The following PEAK1 variants were observed in gnomAD, a reference collection of about 807,000 sequenced individuals.
PEAK1 encodes inactive tyrosine-protein kinase PEAK1.
PEAK1 carries 54 observed loss-of-function variants against 124.7 expected under a neutral mutation model. The observed-to-expected ratio is 0.43, with a 90% CI of 0.35 to 0.54. PEAK1 has a LOEUF of 0.54. Among genes scored for constraint, PEAK1 ranks in the 20% least tolerant of loss-of-function variants. The probability of loss-of-function intolerance (pLI) is 0.01; values close to 1 mark genes in which losing one functional copy is unlikely to be tolerated. For missense variants in PEAK1, 2,046 were observed against 2,134.5 expected (o/e 0.96, Z 0.82); for synonymous variants, 719 against 760.0 (o/e 0.95, Z 0.89).
intron 5 of PEAK1, among the ~76,000 whole-genome samples, chr15:77,276,437 T>G (rs1349454751): frequency 6.6e-6 from 1 of 152,196 alleles, no homozygotes; most frequent in African/African-American, 2.4e-5. Context: ...ACTGGCACGA[T>G]ATCTTTCAGG....
At chr15:77,351,315 C>T (rs935104716) in intron 2 of PEAK1, among the ~76,000 whole-genome samples, 5 of 152,044 alleles carry the variant, frequency 3.3e-5, no homozygotes, top group Admixed American at 3.3e-4. Context: ...GTTGGGAGGG[C>T]AGAAAAGAGT....
At chr15:77,104,877 GT>G (rs2050730994), downstream of PEAK1, 1 of 152,212 alleles carries the variant, frequency 6.6e-6, no homozygotes, top group Non-Finnish European at 1.5e-5. Flanking sequence ...AAATTAAGCT[GT>G]TAAGCTAGTT....
chr15:77,165,073 G>A (rs967531352), intron 7 of PEAK1, among the ~76,000 whole-genome samples: 2 of 151,844 alleles, frequency 1.3e-5, no homozygotes, highest in Admixed American at 6.6e-5. Flanking sequence ...GCTAAATTTT[G>A]TATTTTTAGT....
At position 77,215,330 on chromosome 15, in the gene PEAK1, G is replaced by C. The variant is rs1031489663; in HGVS notation, c.-114-33290C>G. ...TGCAAAAATTTACTCCCAGTTTGTG[G>C]ATTGCCTTTTTAATTGTCTTTCGAA... On this transcript the variant is annotated intron_variant, in intron 6 of 9. Transcript: ENST00000682557. 4.0e-5 allele frequency among the ~76,000 whole-genome samples: 6 copies of C among 150,988 alleles called. No homozygotes were observed. The South Asian group carries it at 8.3e-4, about 21-fold the overall frequency.
At chr15:77,189,905 T>C (rs1322002195) in intron 6 of PEAK1, among the ~76,000 whole-genome samples, 3 of 151,858 alleles carry the variant, frequency 2.0e-5, no homozygotes, top group South Asian at 4.2e-4. Flanking sequence ...AGACAGGGAA[T>C]AAGAAAGAGA....
rs756101972 is a variant in PEAK1 at position 77,133,363 on chromosome 15, G to A, written c.3719C>T (p.Thr1240Ile). The part of the protein sequence containing the change: ...SAANSISSLT[T>I]LSIKDRFSNS... Reference sequence around the variant, plus strand: ...GGAAAATCTATCCTTAATACTGAGAGTGGTTAAGCTGGAAATGCTGTTTGC... The same window carrying A: ...GGAAAATCTATCCTTAATACTGAGAATGGTTAAGCTGGAAATGCTGTTTGC... The change falls in exon 9 of 10, where the codon ACT becomes ATT. Residue 1240 changes from threonine to isoleucine, a missense_variant. Physicochemically the swap from Thr to Ile is moderately conservative, Grantham distance 89 (BLOSUM62 -1). Coordinates refer to ENST00000682557, the MANE Select transcript of PEAK1 (RefSeq NM_001385026.1). This position sits in a 1 kb window ranked among gnomAD's most constrained non-coding sequence, Gnocchi z 4.2. The A allele has an allele frequency of 2.5e-5, 40 of 1,614,130 alleles. 1 individual carries two copies. The South Asian group carries it at 4.3e-4, about 17-fold the overall frequency.
In PEAK1 at chr15:77,181,189, C is replaced by T. The variant is rs55741944; in HGVS notation, c.738G>A (p.Glu246=). The change falls in exon 7 of 10, where the codon GAG becomes GAA. Residue 246 remains glutamate, a synonymous_variant. Coordinates refer to ENST00000682557, the MANE Select transcript of PEAK1 (RefSeq NM_001385026.1). ...SEEDVLFSNM[E]EEHESWDESD... ...TCTCATCCCAACTCTCGTGCTCCTCCTCCATGTTACTGAAAAGTACATCCT... is the reference window on the plus strand; with the variant it reads ...TCTCATCCCAACTCTCGTGCTCCTCTTCCATGTTACTGAAAAGTACATCCT... The T allele has an allele frequency of 2.9e-4, 462 of 1,614,000 alleles. No individual in the cohort carries two copies. The highest frequency in any genetic ancestry group is 3.7e-4 in the Non-Finnish European group (441 of 1,180,016).
intron 7 of PEAK1, among the ~76,000 whole-genome samples, chr15:77,165,521 C>T (rs143282696): frequency 1.1e-3 from 164 of 152,158 alleles, no homozygotes; most frequent in Middle Eastern, 6.8e-3. Context: ...TCTGGGGCCC[C>T]GGACTTTTTT....
Position 77,180,726 on chromosome 15 carries a change from G to A in PEAK1, c.1201C>T (p.Gln401Ter). The change falls in exon 7 of 10, where the codon CAG becomes TAG. Residue 401 changes from glutamine (Q) to a stop codon, truncating the protein, a stop_gained. Coordinates refer to ENST00000682557, the MANE Select transcript of PEAK1 (RefSeq NM_001385026.1). LOFTEE classifies it high-confidence loss of function. Reference sequence around the variant, plus strand: ...ACTTTTATTGAGCTTTTGGAAGCCTGTGATGAATCTTTATCCTGATTATTA... The same window carrying A: ...ACTTTTATTGAGCTTTTGGAAGCCTATGATGAATCTTTATCCTGATTATTA... ...SSNNQDKDSS[Q>*]ASKSSIKVPE... 2 of 1,614,034 alleles carry A rather than the reference G, an allele frequency of 1.2e-6. No individual in the cohort carries two copies. Among genetic ancestry groups the A allele is most frequent in the Non-Finnish European group, 1.7e-6 (2 of 1,179,982 alleles).
chr15:77,337,681 C>G, intron 2 of PEAK1: 2 of 985,140 alleles, frequency 2.0e-6, no homozygotes, highest in Non-Finnish European at 2.4e-6. Context: ...AAAATTAACC[C>G]GGAAAAGTCA....
intron 6 of PEAK1, among the ~76,000 whole-genome samples, chr15:77,202,628 G>T (rs1309024005): frequency 6.6e-6 from 1 of 151,848 alleles, no homozygotes; most frequent in African/African-American, 2.4e-5. Context: ...AAAATAGCTG[G>T]GCATGGTGGT....
intron 1 of PEAK1, among the ~76,000 whole-genome samples, chr15:77,400,199 T>C (rs1217836419): frequency 6.6e-6 from 1 of 152,092 alleles, no homozygotes; most frequent in Non-Finnish European, 1.5e-5. Flanking sequence ...CCATGCACAT[T>C]GTTTGGGGAA....
intron 5 of PEAK1, among the ~76,000 whole-genome samples, chr15:77,268,439 A>G (rs940740460): frequency 6.6e-6 from 1 of 151,864 alleles, no homozygotes; most frequent in Non-Finnish European, 1.5e-5. Flanking sequence ...ACACCACTGC[A>G]TTTCAGTCTG....
chr15:77,223,282 G>T (rs1048853232), intron 6 of PEAK1, among the ~76,000 whole-genome samples: 4 of 151,956 alleles, frequency 2.6e-5, no homozygotes, highest in Non-Finnish European at 5.9e-5. Context: ...GTTCTACCTG[G>T]TAAGAACTTA....
chr15:77,379,703 G>A (rs1463012466), intron 1 of PEAK1, among the ~76,000 whole-genome samples: 1 of 152,058 alleles, frequency 6.6e-6, no homozygotes, highest in Non-Finnish European at 1.5e-5. Flanking sequence ...TTAGGTCCAG[G>A]ACCTTCATAA....
intron 7 of PEAK1, among the ~76,000 whole-genome samples, chr15:77,166,450 C>T (rs956982650): frequency 3.9e-5 from 6 of 152,180 alleles, no homozygotes; most frequent in African/African-American, 1.4e-4. Context: ...GGGCTATCCA[C>T]ATGGCAGGAT....
chr15:77,325,706 A>C (rs2065530944), intron 2 of PEAK1, among the ~76,000 whole-genome samples: 1 of 152,156 alleles, frequency 6.6e-6, no homozygotes, highest in African/African-American at 2.4e-5. Flanking sequence ...TCTCTTAATA[A>C]TATACAAACC....
chr15:77,107,180 T>C (rs969661762), downstream of PEAK1: 1 of 152,344 alleles, frequency 6.6e-6, no homozygotes, highest in African/African-American at 2.4e-5. Flanking sequence ...AGCCAGTGTG[T>C]TGTGCTGACA....
At chr15:77,232,223 T>G (rs1176906707) in intron 6 of PEAK1, among the ~76,000 whole-genome samples, 1 of 152,116 alleles carries the variant, frequency 6.6e-6, no homozygotes, top group Non-Finnish European at 1.5e-5. Context: ...AACACTCTCT[T>G]GACTCTCCTT....
Sources: gnomAD v4.1 joint callset for allele counts (sites outside exome capture counted in the v4.1 genomes callset) on GRCh38, gnomAD v4.1.1 for gene constraint, Gnocchi (gnomAD v3.1) non-coding constraint, MANE v1.5 for transcripts, NCBI Gene and HGNC (gene_info 2026-07-23, HGNC 2026-07-21) for gene names.